The following KLF12 variants were observed in gnomAD, a reference collection of about 807,000 sequenced individuals.
KLF12 encodes the protein Krueppel-like factor 12.
In KLF12, 9 loss-of-function variants were observed where a neutral mutation model predicts 37.8. That is an observed-to-expected ratio of 0.24 (90% confidence interval 0.14 to 0.42). The LOEUF (loss-of-function observed/expected upper bound fraction) is 0.42. Among genes scored for constraint, KLF12 ranks in the 10% least tolerant of loss-of-function variants. The pLI, the probability that KLF12 is intolerant of heterozygous loss-of-function variation, is 1.00. For missense variants in KLF12, 411 were observed against 516.0 expected (o/e 0.80, Z 1.97); for synonymous variants, 208 against 202.1 (o/e 1.03, Z -0.25).
chr13:74,004,401 C>T (rs1892359156), intron 1 of KLF12, among the ~76,000 whole-genome samples: 1 of 152,134 alleles, frequency 6.6e-6, no homozygotes, highest in Non-Finnish European at 1.5e-5. Context: ...TCTCATTTTA[C>T]AGATGTGGAA....
At chr13:74,299,342 G>A in the KLF12 span, among the ~76,000 whole-genome samples, 1 of 152,154 alleles carries the variant, frequency 6.6e-6, no homozygotes, top group Non-Finnish European at 1.5e-5. Flanking sequence ...ATGTGACCTG[G>A]CTCAGGCTTT....
intron 1 of KLF12, among the ~76,000 whole-genome samples, chr13:74,025,984 T>C (rs1162879766): frequency 6.6e-6 from 1 of 152,188 alleles, no homozygotes; most frequent in Non-Finnish European, 1.5e-5. Context: ...ATTTCTCTAG[T>C]GAAACAGTTG....
intron 7 of KLF12, among the ~76,000 whole-genome samples, chr13:73,700,110 A>G (rs983933176): frequency 5.3e-5 from 8 of 152,014 alleles, no homozygotes; most frequent in Admixed American, 1.3e-4. Context: ...TGTCTATCAA[A>G]TAAATAAATC....
chr13:73,854,694 C>T (rs1461330839), intron 3 of KLF12, among the ~76,000 whole-genome samples: 1 of 152,182 alleles, frequency 6.6e-6, no homozygotes, highest in Non-Finnish European at 1.5e-5. Context: ...TAAAATGGCA[C>T]AGTATTTGCA....
chr13:73,898,954 CA>C (rs201948331), intron 3 of KLF12, among the ~76,000 whole-genome samples: 2,757 of 152,302 alleles, frequency 0.018, 90 homozygotes, highest in Admixed American at 0.083. Context: ...TTGTACCCTA[CA>C]AAAGTTATCC....
chr13:74,092,711 G>A (rs1875748448), intron 1 of KLF12, among the ~76,000 whole-genome samples: 1 of 152,078 alleles, frequency 6.6e-6, no homozygotes, highest in African/African-American at 2.4e-5. Context: ...AATTATACAA[G>A]ATCCTAGTAT....
chr13:73,862,055 G>GTTT (rs10591257), intron 3 of KLF12, among the ~76,000 whole-genome samples: 1 of 142,992 alleles, frequency 7.0e-6, no homozygotes, highest in African/African-American at 2.6e-5. Context: ...ATATAGTTGG[G>GTTT]TTTTTTTTTT....
intron 1 of KLF12, among the ~76,000 whole-genome samples, chr13:74,042,604 C>G (rs938580850): frequency 2.6e-5 from 4 of 152,154 alleles, no homozygotes; most frequent in Admixed American, 2.0e-4. Flanking sequence ...ATCCTAGGTA[C>G]AGTCTGAATG....
chr13:73,995,070 A>G lies in KLF12; in HGVS notation c.-31-17T>C, dbSNP rs758739393. ...ACATTGATCCTGCAAGAAAAACACA[A>G]AGACAAATGATGAGAGAAAGTTCTA... On this transcript the variant is annotated splice_polypyrimidine_tract_variant and intron_variant, in intron 1 of 7. Transcript: ENST00000377669. The G allele has an allele frequency of 5.1e-6, 8 of 1,555,468 alleles. No homozygotes were observed. Among genetic ancestry groups the G allele is most frequent in the East Asian group, 2.3e-5 (1 of 44,202 alleles).
At chr13:74,113,305 T>C (rs1877090774) in intron 1 of KLF12, among the ~76,000 whole-genome samples, 2 of 152,208 alleles carry the variant, frequency 1.3e-5, no homozygotes, top group Non-Finnish European at 1.5e-5. Flanking sequence ...ATTTTCAATG[T>C]AGACAAAACA....
chr13:73,719,310 A>G (rs1489870522), intron 6 of KLF12, among the ~76,000 whole-genome samples: 2 of 152,174 alleles, frequency 1.3e-5, no homozygotes, highest in African/African-American at 4.8e-5. Flanking sequence ...CAAGTGGACG[A>G]CAACCGTGGA....
At chr13:74,189,211 CCTT>C in the KLF12 span, among the ~76,000 whole-genome samples, 3 of 152,198 alleles carry the variant, frequency 2.0e-5, no homozygotes, top group South Asian at 4.2e-4. Flanking sequence ...TGTTTGCTAA[CCTT>C]CTTCCGTAAT....
chr13:74,201,086 A>C, the KLF12 span, among the ~76,000 whole-genome samples: 1 of 152,150 alleles, frequency 6.6e-6, no homozygotes, highest in African/African-American at 2.4e-5. Context: ...TTCGTTCTCA[A>C]AATGCCTTCT....
the KLF12 span, among the ~76,000 whole-genome samples, chr13:74,238,103 A>G: frequency 7.4e-6 from 1 of 135,434 alleles, no homozygotes; most frequent in Non-Finnish European, 1.5e-5. Context: ...TATTATTTTG[A>G]AATATGTCCC....
intron 3 of KLF12, among the ~76,000 whole-genome samples, chr13:73,892,556 G>C (rs970259220): frequency 1.3e-5 from 2 of 152,078 alleles, no homozygotes; most frequent in South Asian, 4.1e-4. Context: ...ACAAAAAACA[G>C]TTAAACTCTT....
chr13:74,007,765 C>T (rs987051983), intron 1 of KLF12, among the ~76,000 whole-genome samples: 4 of 151,958 alleles, frequency 2.6e-5, no homozygotes, highest in African/African-American at 9.7e-5. Flanking sequence ...TTAGTATCAT[C>T]ACTGATTTTC....
At chr13:73,779,507 C>A (rs1880829970) in intron 5 of KLF12, among the ~76,000 whole-genome samples, 1 of 152,148 alleles carries the variant, frequency 6.6e-6, no homozygotes, top group African/African-American at 2.4e-5. Context: ...CTCAGGGTTC[C>A]CCCTGATACC....
At chr13:74,277,078 C>T in the KLF12 span, among the ~76,000 whole-genome samples, 1 of 152,172 alleles carries the variant, frequency 6.6e-6, no homozygotes, top group Admixed American at 6.5e-5. Context: ...CTGCCAATAG[C>T]CTGATGGCCT....
At chr13:73,762,697 G>A (rs550853774) in intron 6 of KLF12, among the ~76,000 whole-genome samples, 1 of 152,228 alleles carries the variant, frequency 6.6e-6, no homozygotes, top group South Asian at 2.1e-4. Context: ...GTTGATAGAT[G>A]GGGGACAGCA....
Sources: allele counts gnomAD v4.1 joint callset (sites outside exome capture counted in the v4.1 genomes callset), GRCh38; gene constraint gnomAD v4.1.1; transcripts MANE v1.5; gene names NCBI Gene and HGNC (gene_info 2026-07-23, HGNC 2026-07-21).